Variants in KLHL23 observed in about 807,000 individuals in gnomAD.
KLHL23 encodes kelch-like protein 23.
KLHL23 carries 33 observed loss-of-function variants against 48.9 expected under a neutral mutation model. The ratio of observed to expected loss-of-function variants is 0.67; its 90% CI spans 0.51 to 0.90. The LOEUF is 0.90. Among genes scored for constraint, KLHL23 ranks in the 40% least tolerant of loss-of-function variants. KLHL23 has a pLI of 0.00. For synonymous variants in KLHL23, 234 were observed against 231.6 expected (o/e 1.01, Z -0.09); for missense variants, 608 against 669.6 (o/e 0.91, Z 1.02).
chr2:169,739,842 C>A (rs755189942), intron 2 of KLHL23, among the ~76,000 whole-genome samples: 1 of 152,164 alleles, frequency 6.6e-6, no homozygotes, highest in Non-Finnish European at 1.5e-5. Context: ...CACACCTAGG[C>A]TGTGTGGTAT....
chr2:169,743,774 C>T (rs754070041), intron 3 of KLHL23, among the ~76,000 whole-genome samples: 2 of 152,204 alleles, frequency 1.3e-5, no homozygotes, highest in Non-Finnish European at 2.9e-5. Flanking sequence ...GGGCCTGTGC[C>T]GTTGTTTTTC....
At position 169,736,424 on chromosome 2, in the gene KLHL23, A is replaced by G. The variant is rs564832563; in HGVS notation, c.1213+197A>G. Among the ~76,000 whole-genome samples the G allele has an allele frequency of 3.3e-5, 5 of 152,332 alleles. No homozygotes were observed. The South Asian group carries it at 1.0e-3, about 32-fold the overall frequency. ...TTGTCTGAGAGTTATGAGAATTTAT[A>G]TTCAAGTCAAGGGCTAGATGAAGAG... On this transcript the variant is annotated intron_variant, in intron 2 of 3. Transcript: ENST00000392647.
At chr2:169,741,267 C>T (rs1394710125) in intron 2 of KLHL23, 118 bp from the exon 3 acceptor site, 48 of 1,371,700 alleles carry the variant, frequency 3.5e-5, no homozygotes, top group Non-Finnish European at 4.4e-5. Flanking sequence ...TAGCACTTAG[C>T]ACAGTACCTT....
At position 169,747,389 on chromosome 2, in the gene KLHL23, TAAAAAA is replaced by T. The variant is rs10690582; in HGVS notation, c.1367-2019_1367-2014del. Reference sequence around the variant, plus strand: ...GGGAGACAGAGCGAGACTCTGTCTCTAAAAAAAAAAAAAAAAAAACTGAGGGAGAAC... The same window carrying T: ...GGGAGACAGAGCGAGACTCTGTCTCTAAAAAAAAAAAAACTGAGGGAGAAC... On this transcript the variant is annotated intron_variant, in intron 3 of 3. Coordinates refer to ENST00000392647, the MANE Select transcript of KLHL23 (RefSeq NM_144711.6). 4.3e-5 allele frequency among the ~76,000 whole-genome samples: 3 copies of T among 69,204 alleles called. 1 individual carries two copies. The highest frequency in any genetic ancestry group is 7.7e-5 in the Non-Finnish European group (3 of 39,140). 45.4% of individuals were successfully genotyped at this position (69,204 alleles called of 152,430 possible).
intron 3 of KLHL23, among the ~76,000 whole-genome samples, chr2:169,745,757 C>A (rs1246771470): frequency 1.3e-5 from 2 of 152,086 alleles, no homozygotes; most frequent in African/African-American, 4.8e-5. Flanking sequence ...ACAGTCGTCT[C>A]AGGGTCTCTG....
At chr2:169,749,360 T>C (rs1688883558) in intron 3 of KLHL23, 62 bp from the exon 4 acceptor site, 1 of 1,446,870 alleles carries the variant, frequency 6.9e-7, no homozygotes, top group Non-Finnish European at 9.2e-7. Context: ...TACCACACTG[T>C]GGAATCTCTT....
rs1278220066 is a variant in KLHL23, at chr2:169,736,238, A to C, written c.1213+11A>C. 6.3e-7 allele frequency: 1 copy of C among 1,582,460 alleles called. No homozygotes were observed. Among genetic ancestry groups the C allele is most frequent in the East Asian group, 2.2e-5 (1 of 44,610 alleles). On this transcript the variant is annotated intron_variant, in intron 2 of 3. Coordinates refer to ENST00000392647, the MANE Select transcript of KLHL23 (RefSeq NM_144711.6). ...CAAACATGATTAAAGGTAAGTGGAG[A>C]TTATGTTTATTTTGTATTTTTTAGA...
At chr2:169,743,136 C>G (rs1484770545) in intron 3 of KLHL23, among the ~76,000 whole-genome samples, 1 of 152,094 alleles carries the variant, frequency 6.6e-6, no homozygotes, top group African/African-American at 2.4e-5. Flanking sequence ...TGTTACTCTG[C>G]CTATTTTGTG....
chr2:169,740,453 CT>C (rs35510038), intron 2 of KLHL23, among the ~76,000 whole-genome samples: 141 of 142,310 alleles, frequency 9.9e-4, no homozygotes, highest in Middle Eastern at 3.6e-3. Context: ...ATTCTATAAG[CT>C]TTTTTTTTTT....
intron 2 of KLHL23, among the ~76,000 whole-genome samples, chr2:169,738,521 TG>T (rs1335910892): frequency 2.0e-5 from 3 of 152,170 alleles, no homozygotes; most frequent in Non-Finnish European, 4.4e-5. Flanking sequence ...AAACTTAATT[TG>T]GGTACAGTCA....
intron 3 of KLHL23, among the ~76,000 whole-genome samples, chr2:169,747,464 CTT>C (rs145417361): frequency 0.58 from 72,888 of 124,924 alleles, 23,116 homozygotes; most frequent in East Asian, 0.78. Context: ...GAGGAAATCA[CTT>C]TTTTTTTTTT....
At chr2:169,748,842 G>C (rs1688872078) in intron 3 of KLHL23, among the ~76,000 whole-genome samples, 1 of 144,304 alleles carries the variant, frequency 6.9e-6, no homozygotes, top group African/African-American at 2.5e-5. Context: ...CTCCGCCTGG[G>C]GGCACCCTTC....
intron 3 of KLHL23, among the ~76,000 whole-genome samples, chr2:169,743,327 G>A (rs533893521): frequency 1.3e-5 from 2 of 152,318 alleles, no homozygotes; most frequent in Non-Finnish European, 1.5e-5. Context: ...CTGAGAGACA[G>A]TGTCACTTTG....
chr2:169,736,291 T>G, intron 2 of KLHL23, 64 bp downstream of exon 2: 1 of 1,516,284 alleles, frequency 6.6e-7, no homozygotes. Flanking sequence ...GCAGTCTCAC[T>G]TCTCTTGAAT....
chr2:169,748,168 A>G (rs367769814), intron 3 of KLHL23, among the ~76,000 whole-genome samples: 3 of 152,182 alleles, frequency 2.0e-5, no homozygotes, highest in East Asian at 1.9e-4. Context: ...GAGAAGTGCT[A>G]TGGAGAGAAT....
chr2:169,749,251 G>A (rs943493954), intron 3 of KLHL23, among the ~76,000 whole-genome samples, 171 bp from the exon 4 acceptor site: 1 of 152,104 alleles, frequency 6.6e-6, no homozygotes, highest in East Asian at 1.9e-4. Flanking sequence ...TAGGTGACAG[G>A]GAATGATTTT....
At chr2:169,743,795 C>G (rs1688730292) in intron 3 of KLHL23, among the ~76,000 whole-genome samples, 1 of 152,196 alleles carries the variant, frequency 6.6e-6, no homozygotes, top group African/African-American at 2.4e-5. Context: ...TTGCTCCCAG[C>G]TGGCTTTGCT....
intron 2 of KLHL23, among the ~76,000 whole-genome samples, chr2:169,738,838 TC>T (rs1688584653): frequency 1.7e-4 from 1 of 5,840 alleles, no homozygotes; most frequent in African/African-American, 6.3e-4. Flanking sequence ...CTCCCCCTCC[TC>T]CCCCTCCCCT....
intron 3 of KLHL23, among the ~76,000 whole-genome samples, 192 bp downstream of exon 3, chr2:169,741,729 C>G (rs1688680033): frequency 1.3e-5 from 2 of 152,200 alleles, no homozygotes; most frequent in Admixed American, 1.3e-4. Flanking sequence ...TGGGTCACAT[C>G]TACAAATATT....
Sources: allele counts gnomAD v4.1 joint callset (sites outside exome capture counted in the v4.1 genomes callset), GRCh38; gene constraint gnomAD v4.1.1; transcripts MANE v1.5; gene names NCBI Gene and HGNC (gene_info 2026-07-23, HGNC 2026-07-21).